The following HAUS3 variants were observed in gnomAD, a reference collection of about 807,000 sequenced individuals.
HAUS3 encodes the protein HAUS augmin like complex subunit 3.
In HAUS3, 36 loss-of-function variants were observed where a neutral mutation model predicts 55.2. That is an observed-to-expected ratio of 0.65 (90% confidence interval 0.50 to 0.86). The LOEUF (loss-of-function observed/expected upper bound fraction) is 0.86. Ranked by LOEUF, HAUS3 falls within the 40% of genes least tolerant of loss-of-function variation. The pLI is 0.00. For synonymous variants in HAUS3, 234 were observed against 238.6 expected (o/e 0.98, Z 0.18); for missense variants, 752 against 671.5 (o/e 1.12, Z -1.33).
intron 5 of HAUS3, among the ~76,000 whole-genome samples, chr4:2,233,841 A>G (rs1404132431): frequency 1.3e-5 from 2 of 152,186 alleles, no homozygotes; most frequent in African/African-American, 2.4e-5. Flanking sequence ...CATATGGTCA[A>G]TGGTGTCTAG....
chr4:2,229,099 T>C lies in HAUS3; in HGVS notation c.*2828A>G. ...AGAAAGGTTCATAAAAATTACTTAC[T>C]CTCTGTACTCTTTCCCCAAGTCTTA... On this transcript the variant is annotated 3_prime_UTR_variant, in exon 6 of 6. Coordinates refer to ENST00000443786, the MANE Select transcript of HAUS3 (RefSeq NM_001303143.2). 1 of 1,590,776 alleles carries C rather than the reference T, an allele frequency of 6.3e-7. No individual in the cohort carries two copies. Among genetic ancestry groups the C allele is most frequent in the Non-Finnish European group, 8.6e-7 (1 of 1,167,966 alleles).
intron 4 of HAUS3, among the ~76,000 whole-genome samples, chr4:2,237,808 C>T (rs1222004537): frequency 6.6e-6 from 1 of 151,950 alleles, no homozygotes; most frequent in Non-Finnish European, 1.5e-5. Context: ...TAATAGTAAA[C>T]TTTTGCTCAG....
chr4:2,235,753 A>C (rs1253820369), intron 5 of HAUS3, among the ~76,000 whole-genome samples: 2 of 152,212 alleles, frequency 1.3e-5, no homozygotes, highest in Non-Finnish European at 2.9e-5. Context: ...AGGAATATAT[A>C]TATATGTGTG....
At position 2,231,389 on chromosome 4, in the gene HAUS3, AGAGATT is replaced by A. The variant is rs1734574056; in HGVS notation, c.*532_*537del. The A allele has an allele frequency of 1.3e-5, 2 of 152,548 alleles. No individual in the cohort carries two copies. Among genetic ancestry groups the A allele is most frequent in the Non-Finnish European group, 2.9e-5 (2 of 68,324 alleles). 9.4% of individuals were successfully genotyped at this position (152,548 alleles called of 1,614,324 possible). ...GCCGGGAGAGGGGATCAAGAGGTCA[AGAGATT>A]GAGACCATCCTGGCCAACATGGTGA... On this transcript the variant is annotated 3_prime_UTR_variant, in exon 6 of 6. Transcript: ENST00000443786.
In HAUS3 at chr4:2,241,572, G is replaced by A; in HGVS notation, c.-200C>T. The A allele has an allele frequency of 2.0e-6, 2 of 985,792 alleles. No homozygotes were observed. Among genetic ancestry groups the A allele is most frequent in the Non-Finnish European group, 2.4e-6 (2 of 830,212 alleles). The allele number at this position is 985,792 out of a possible 1,614,324, so 61.1% of individuals were successfully genotyped here. ...CCTCCAGAGTCCACCACCGCGACGC[G>A]GAGAACAGCAGGAGCAGCAGGGAAG... On this transcript the variant is annotated 5_prime_UTR_variant, in exon 2 of 6. Transcript: ENST00000443786.
Position 2,230,690 on chromosome 4 carries a change from A to AT in HAUS3, c.*1236_*1237insA, listed in dbSNP as rs1734549656. On this transcript the variant is annotated 3_prime_UTR_variant, in exon 6 of 6. Transcript: ENST00000443786. ...ATAGCTAAAAAATTCCATAAAGACC[A>AT]CCCAAAACATGTAGTTTTTAGATTG... 1 of 151,948 alleles carries AT rather than the reference A, an allele frequency of 6.6e-6. No individual in the cohort carries two copies. Among genetic ancestry groups the AT allele is most frequent in the South Asian group, 2.1e-4 (1 of 4,824 alleles). The allele number at this position is 151,948 out of a possible 1,614,324, so 9.4% of individuals were successfully genotyped here.
intron 5 of HAUS3, 22 bp from the exon 6 acceptor site, chr4:2,232,182 A>G: frequency 8.7e-7 from 1 of 1,149,776 alleles, no homozygotes; most frequent in Non-Finnish European, 1.2e-6. Context: ...AAATAAAAAT[A>G]AAAATTAAAA....
At chr4:2,236,864 A>AAAT (rs1165173187) in intron 4 of HAUS3, among the ~76,000 whole-genome samples, 10 of 149,568 alleles carry the variant, frequency 6.7e-5, no homozygotes, top group African/African-American at 2.0e-4. Flanking sequence ...CTCCGTCTCC[A>AAAT]AATAATAATA....
intron 2 of HAUS3, among the ~76,000 whole-genome samples, 175 bp downstream of exon 2, chr4:2,241,345 A>T (rs1308420079): frequency 1.3e-5 from 2 of 152,232 alleles, no homozygotes; most frequent in Non-Finnish European, 2.9e-5. Flanking sequence ...CCAAAGATAA[A>T]ATGGTTTAAA....
intron 3 of HAUS3, among the ~76,000 whole-genome samples, 176 bp downstream of exon 3, chr4:2,239,862 C>T (rs1577803533): frequency 6.6e-6 from 1 of 152,170 alleles, no homozygotes; most frequent in African/African-American, 2.4e-5. Flanking sequence ...CCTCCATTAA[C>T]GTATGGAACT....
At chr4:2,239,612 G>T (rs533196121) in intron 3 of HAUS3, among the ~76,000 whole-genome samples, 77 of 152,244 alleles carry the variant, frequency 5.1e-4, no homozygotes, top group African/African-American at 1.7e-3. Flanking sequence ...TTCTCAAAAA[G>T]AAATCAGTTT....
rs1734915976 is a variant in HAUS3 at position 2,240,089 on chromosome 4, C to T, written c.858G>A (p.Met286Ile). The part of the protein sequence containing the change: ...LIHLKASNSS[M>I]KSSIKWAEES... Reference sequence around the variant, plus strand: ...CCTCTGCCCATTTTATACTTGACTTCATGCTCGAATTACTTGCTTTTAAGT... The same window carrying T: ...CCTCTGCCCATTTTATACTTGACTTTATGCTCGAATTACTTGCTTTTAAGT... Residue 286 changes from methionine to isoleucine, a missense_variant, in exon 3 of 6, where the codon ATG becomes ATA. Physicochemically the swap from Met to Ile is conservative, Grantham distance 10 (BLOSUM62 1). Transcript: ENST00000443786. 4 of 1,613,942 alleles carry T rather than the reference C, an allele frequency of 2.5e-6. No homozygotes were observed. The highest frequency in any genetic ancestry group is 1.1e-5 in the South Asian group (1 of 91,064).
At chr4:2,241,188 G>A in intron 2 of HAUS3, 95 bp from the exon 3 acceptor site, 1 of 403,838 alleles carries the variant, frequency 2.5e-6, no homozygotes, top group Non-Finnish European at 4.4e-6. Context: ...TCCGAGAGCG[G>A]GATAAATGAC....
chr4:2,229,042 T>C lies in HAUS3; in HGVS notation c.*2885A>G, dbSNP rs1734483867. The C allele has an allele frequency of 6.7e-6, 10 of 1,494,292 alleles. No homozygotes were observed. The Admixed American group carries it at 2.0e-4, about 29-fold the overall frequency. 92.6% of individuals were successfully genotyped at this position (1,494,292 alleles called of 1,614,324 possible). On this transcript the variant is annotated 3_prime_UTR_variant, in exon 6 of 6. Transcript: ENST00000443786. ...CATTCCATTTTCAATTCTTAGTCTTTAGAACAATTAACATTCAAAGTATCA... is the reference window on the plus strand; with the variant it reads ...CATTCCATTTTCAATTCTTAGTCTTCAGAACAATTAACATTCAAAGTATCA...
Position 2,228,625 on chromosome 4 carries a change from C to T in HAUS3, c.*3302G>A, listed in dbSNP as rs1005700592. ...TGCTGGGATTACAGGCGTGAGCCAC[C>T]GCACCCGGCCCCACTGCTTTTACTA... On this transcript the variant is annotated 3_prime_UTR_variant, in exon 6 of 6. Transcript: ENST00000443786. 6.4e-4 allele frequency: 107 copies of T among 168,082 alleles called. No homozygotes were observed. The highest frequency in any genetic ancestry group is 5.6e-4 in the East Asian group (3 of 5,316). The allele number at this position is 168,082 out of a possible 1,614,324, so 10.4% of individuals were successfully genotyped here.
At position 2,229,181 on chromosome 4, in the gene HAUS3, G is replaced by A. The variant is rs766829456; in HGVS notation, c.*2746C>T. 1.7e-5 allele frequency: 27 copies of A among 1,610,758 alleles called. No individual in the cohort carries two copies. The highest frequency in any genetic ancestry group is 2.1e-5 in the Non-Finnish European group (25 of 1,177,132). The stretch of plus-strand genomic sequence containing the variant: ...ACATAATCTTCTGAGCAACACTGGA[G>A]AGCGGTGTATTACAGAGATCAAAGC... On this transcript the variant is annotated 3_prime_UTR_variant, in exon 6 of 6. Transcript: ENST00000443786.
chr4:2,236,889 T>TATAATA, intron 4 of HAUS3, among the ~76,000 whole-genome samples: 1 of 149,028 alleles, frequency 6.7e-6, no homozygotes, highest in South Asian at 2.1e-4. Context: ...TAATTATAAT[T>TATAATA]ATAATAATAA....
chr4:2,241,920 G>C, intron 1 of HAUS3, 130 bp from the exon 2 acceptor site: 4 of 985,526 alleles, frequency 4.1e-6, no homozygotes, highest in Non-Finnish European at 4.8e-6. Flanking sequence ...TCCCCGGGCA[G>C]CTGCTGGAGC....
Position 2,232,040 on chromosome 4 carries a change from G to T in HAUS3, c.1699C>A (p.Gln567Lys). Residue 567 changes from glutamine (Q) to lysine (K), a missense_variant, in exon 6 of 6, where the codon CAA becomes AAA. Physicochemically the swap from Gln to Lys is moderately conservative, Grantham distance 53. Transcript: ENST00000443786. ...RKTLANNKLHQMEREFYVYFL... is the reference protein window; with the variant it reads ...RKTLANNKLHKMEREFYVYFL... Reference sequence around the variant, plus strand: ...TATACATAGAATTCTCTTTCCATTTGATGTAATTTATTATTTGCCAAAGTT... The same window carrying T: ...TATACATAGAATTCTCTTTCCATTTTATGTAATTTATTATTTGCCAAAGTT... 1 of 1,522,848 alleles carries T rather than the reference G, an allele frequency of 6.6e-7. No homozygotes were observed. Among genetic ancestry groups the T allele is most frequent in the South Asian group, 1.2e-5 (1 of 86,532 alleles). The allele number at this position is 1,522,848 out of a possible 1,614,324, so 94.3% of individuals were successfully genotyped here. A position where few individuals can be genotyped will look rare whatever the true frequency, so the allele number is the denominator to read the frequency against.
Sources: allele counts gnomAD v4.1 joint callset (sites outside exome capture counted in the v4.1 genomes callset), GRCh38; gene constraint gnomAD v4.1.1; transcripts MANE v1.5; gene names NCBI Gene and HGNC (gene_info 2026-07-23, HGNC 2026-07-21).